Variants in MSI2 observed in about 807,000 individuals in gnomAD.
MSI2 encodes RNA-binding protein Musashi homolog 2.
Under a neutral mutation model 45.6 loss-of-function variants are expected in MSI2, and 17 were observed. That is an observed-to-expected ratio of 0.37 (90% CI 0.26 to 0.56). MSI2 has a LOEUF of 0.56. MSI2 is among the 20% of genes least tolerant of loss of function. MSI2 has a pLI of 0.77. For synonymous variants in MSI2, 156 were observed against 158.2 expected (o/e 0.99, Z 0.11); for missense variants, 293 against 444.2 (o/e 0.66, Z 3.06).
chr17:57,617,185 A>C (rs1184322813), intron 9 of MSI2, among the ~76,000 whole-genome samples: 3 of 152,240 alleles, frequency 2.0e-5, no homozygotes, highest in African/African-American at 7.2e-5. Context: ...GAAATAGAAA[A>C]AGATGCCAGG....
At chr17:57,540,940 G>A (rs1263316730) in intron 7 of MSI2, among the ~76,000 whole-genome samples, 2 of 152,192 alleles carry the variant, frequency 1.3e-5, no homozygotes, top group Non-Finnish European at 2.9e-5. Context: ...CTACTGGCCT[G>A]CAGTCCTGGT....
At chr17:57,698,707 C>T in the MSI2 span, among the ~76,000 whole-genome samples, 2 of 152,114 alleles carry the variant, frequency 1.3e-5, no homozygotes, top group Non-Finnish European at 2.9e-5. Context: ...CTATCAATGC[C>T]CCTTGTTGCC....
intron 6 of MSI2, among the ~76,000 whole-genome samples, chr17:57,526,356 G>GTGTGT (rs2086695720): frequency 8.2e-6 from 1 of 122,562 alleles, no homozygotes; most frequent in Admixed American, 8.5e-5. Flanking sequence ...GATATACCTG[G>GTGTGT]GTGTGTGTGT....
intron 10 of MSI2, among the ~76,000 whole-genome samples, chr17:57,637,230 A>G (rs1909904861): frequency 1.3e-5 from 2 of 152,218 alleles, no homozygotes; most frequent in East Asian, 1.9e-4. Context: ...TAGACAGGAA[A>G]GCATGTCTGC....
rs373999383 is a variant in MSI2 at position 57,296,706 on chromosome 17, G to A, written c.312+34514G>A. On this transcript the variant is annotated intron_variant, in intron 5 of 13. Coordinates refer to ENST00000284073, the MANE Select transcript of MSI2 (RefSeq NM_138962.4). ...AATTGATGAAATCCAAATAAAACAT[G>A]TAGTTTAGTTAATAGTATTGAATAT... Among the ~76,000 whole-genome samples the A allele has an allele frequency of 2.0e-5, 3 of 152,226 alleles. No homozygotes were observed. In the East Asian group the frequency reaches 5.8e-4, roughly 29 times the overall value.
chr17:57,584,071 T>C (rs1013616728), intron 7 of MSI2, among the ~76,000 whole-genome samples: 1 of 152,194 alleles, frequency 6.6e-6, no homozygotes, highest in African/African-American at 2.4e-5. Context: ...GATGTGCTGA[T>C]TGGTAGAACA....
intron 5 of MSI2, among the ~76,000 whole-genome samples, chr17:57,347,725 T>C (rs923579481): frequency 8.5e-5 from 13 of 152,200 alleles, no homozygotes; most frequent in African/African-American, 2.9e-4. Flanking sequence ...TAGGTTTGTC[T>C]CTAGGTTCTC....
chr17:57,605,405 G>T (rs1295716659), intron 8 of MSI2, among the ~76,000 whole-genome samples: 1 of 152,198 alleles, frequency 6.6e-6, no homozygotes, highest in East Asian at 1.9e-4. Context: ...CTGTCCTCTG[G>T]CGATGTCAGT....
At chr17:57,645,755 C>T (rs372580206) in intron 10 of MSI2, among the ~76,000 whole-genome samples, 3 of 152,068 alleles carry the variant, frequency 2.0e-5, no homozygotes, top group Non-Finnish European at 2.9e-5. Flanking sequence ...GTCCCAGTGC[C>T]GAGGCTGCTC....
chr17:57,524,159 G>A (rs1021337249), intron 6 of MSI2, among the ~76,000 whole-genome samples: 2 of 152,204 alleles, frequency 1.3e-5, no homozygotes, highest in African/African-American at 4.8e-5. Flanking sequence ...CATGGTGATG[G>A]CAGAGGTGCA....
chr17:57,256,271 G>A (rs1906698890), upstream of MSI2, among the ~76,000 whole-genome samples: 2 of 151,740 alleles, frequency 1.3e-5, no homozygotes, highest in African/African-American at 4.8e-5. Flanking sequence ...CTGCCGGCCC[G>A]GAGGCGGGGT....
chr17:57,360,426 T>C (rs532915122), intron 5 of MSI2, among the ~76,000 whole-genome samples: 74 of 152,362 alleles, frequency 4.9e-4, no homozygotes, highest in African/African-American at 1.7e-3. Context: ...TCTCCCTTGC[T>C]GAGTAGGGTT....
chr17:57,673,278 TGAGGGCCTCAAATCACAG>T (rs1447095936), intron 11 of MSI2, among the ~76,000 whole-genome samples: 2 of 152,192 alleles, frequency 1.3e-5, no homozygotes, highest in East Asian at 3.8e-4. Flanking sequence ...CCACCAGAAC[TGAGGGCCTCAAATCACAG>T]GCCCCTGGGA....
At chr17:57,491,770 C>G (rs2085876748) in intron 6 of MSI2, among the ~76,000 whole-genome samples, 1 of 152,198 alleles carries the variant, frequency 6.6e-6, no homozygotes, top group South Asian at 2.1e-4. Context: ...GCCTTCACGA[C>G]TGCTCTAATG....
In MSI2 at chr17:57,591,992, G is replaced by A. The variant is rs1311247833; in HGVS notation, c.455-4876G>A. On this transcript the variant is annotated intron_variant, in intron 7 of 13. Coordinates refer to ENST00000284073, the MANE Select transcript of MSI2 (RefSeq NM_138962.4). Reference sequence around the variant, plus strand: ...GCTCGAGACCAGCCTGGCCAACATGGTGAAACCCTGTCTCTACTAAAAATA... The same window carrying A: ...GCTCGAGACCAGCCTGGCCAACATGATGAAACCCTGTCTCTACTAAAAATA... 2.6e-5 allele frequency among the ~76,000 whole-genome samples: 4 copies of A among 151,926 alleles called. 1 individual carries two copies. The highest frequency in any genetic ancestry group is 5.9e-5 in the Non-Finnish European group (4 of 67,962).
chr17:57,281,693 A>C (rs1322623852), intron 5 of MSI2, among the ~76,000 whole-genome samples: 1 of 152,124 alleles, frequency 6.6e-6, no homozygotes, highest in Non-Finnish European at 1.5e-5. Context: ...GAGGCGTACG[A>C]GCTGCTTTTA....
the MSI2 span, among the ~76,000 whole-genome samples, chr17:57,696,106 A>AC: frequency 2.7e-4 from 41 of 151,860 alleles, 1 homozygote; most frequent in African/African-American, 8.7e-4. Context: ...GGTTCCTAAC[A>AC]CCCCCCCAAA....
At chr17:57,431,478 G>T (rs2084592792) in intron 6 of MSI2, among the ~76,000 whole-genome samples, 1 of 152,194 alleles carries the variant, frequency 6.6e-6, no homozygotes, top group Admixed American at 6.5e-5. Context: ...GTAGGTTTGG[G>T]GGTCCCAAGG....
rs1454276453 is a variant in MSI2 at position 57,280,396 on chromosome 17, G to GAT, written c.312+18205_312+18206dup. On this transcript the variant is annotated intron_variant, in intron 5 of 13. Transcript: ENST00000284073. This position sits in a 1 kb window ranked among gnomAD's most constrained non-coding sequence, Gnocchi z 4.2. ...TGTTGTGGTGATCCACTTGAGGAAG[G>GAT]ATGGCTGCTTAGCTGAGTTCTTGGA... is the stretch of plus-strand genomic sequence containing the variant. 6.6e-6 allele frequency among the ~76,000 whole-genome samples: 1 copy of GAT among 152,218 alleles called. No homozygotes were observed. The highest frequency in any genetic ancestry group is 2.4e-5 in the African/African-American group (1 of 41,446).
Sources: allele counts gnomAD v4.1 joint callset (sites outside exome capture counted in the v4.1 genomes callset), GRCh38; gene constraint gnomAD v4.1.1; non-coding constraint Gnocchi (gnomAD v3.1); transcripts MANE v1.5; gene names NCBI Gene and HGNC (gene_info 2026-07-23, HGNC 2026-07-21).